Variants in NPIPB2 observed in about 807,000 individuals in gnomAD.
The protein encoded by NPIPB2 is nuclear pore complex-interacting protein family member B2.
Under a neutral mutation model 30.8 loss-of-function variants are expected in NPIPB2, and 27 were observed. The ratio of observed to expected loss-of-function variants is 0.88; its 90% CI spans 0.65 to 1.21. NPIPB2 has a LOEUF of 1.21. Among genes scored for constraint, NPIPB2 ranks in the 50% most tolerant of loss-of-function variants. The probability of loss-of-function intolerance (pLI) is 0.00; values close to 1 mark genes in which losing one functional copy is unlikely to be tolerated. For synonymous variants in NPIPB2, 147 were observed against 162.0 expected (o/e 0.91, Z 0.70); for missense variants, 440 against 446.2 (o/e 0.99, Z 0.13).
At chr16:11,963,205 C>A (rs964778386) in intron 1 of NPIPB2, among the ~76,000 whole-genome samples, 1 of 152,046 alleles carries the variant, frequency 6.6e-6, no homozygotes, top group Admixed American at 6.6e-5. Flanking sequence ...CACGGTGAAA[C>A]CCCGTCTCTA....
At chr16:11,954,296 G>C (rs2055091889) in intron 1 of NPIPB2, among the ~76,000 whole-genome samples, 2 of 151,862 alleles carry the variant, frequency 1.3e-5, no homozygotes, top group South Asian at 4.2e-4. Flanking sequence ...AGACCAGCCT[G>C]GGCAATGTAG....
chr16:11,945,785 T>C (rs1383812011), upstream of NPIPB2, among the ~76,000 whole-genome samples: 3 of 152,054 alleles, frequency 2.0e-5, no homozygotes, highest in Non-Finnish European at 4.4e-5. Context: ...TGCCCTCTCC[T>C]CCTTCTATTC....
At chr16:11,944,875 A>T (rs2150921943), upstream of NPIPB2, among the ~76,000 whole-genome samples, 2 of 151,544 alleles carry the variant, frequency 1.3e-5, no homozygotes, top group African/African-American at 4.8e-5. Context: ...AACCTTGGAG[A>T]TGTGTTAAAG....
intron 1 of NPIPB2, among the ~76,000 whole-genome samples, chr16:11,938,841 C>G (rs1304722797): frequency 3.3e-5 from 5 of 151,944 alleles, no homozygotes; most frequent in African/African-American, 1.2e-4. Context: ...CTCCGCCTCC[C>G]GGGTTCAAGC....
intron 2 of NPIPB2, among the ~76,000 whole-genome samples, chr16:11,934,551 C>T (rs1216634591): frequency 1.4e-5 from 1 of 73,686 alleles, no homozygotes; most frequent in Non-Finnish European, 2.7e-5. Context: ...GAAACTCTGT[C>T]TCAAAAAAAA....
chr16:11,950,970 C>T (rs1164331525), intron 1 of NPIPB2, among the ~76,000 whole-genome samples: 1 of 149,738 alleles, frequency 6.7e-6, no homozygotes, highest in East Asian at 1.9e-4. Context: ...AACATATATA[C>T]ATGATTTTTT....
In NPIPB2 at chr16:11,976,451, C is replaced by G. The variant is rs200533565; in HGVS notation, c.-584+117G>C. On this transcript the variant is annotated intron_variant, in intron 1 of 5. Transcript: ENST00000538896. ...TCCTCTATTTTTATTTCCTTTCCCG[C>G]TCGCATCCCTCTCTGGGACGAAGTC... 4.6e-5 allele frequency: 13 copies of G among 283,104 alleles called. No individual in the cohort carries two copies. The East Asian group carries it at 7.8e-4, about 17-fold the overall frequency. The allele number at this position is 283,104 out of a possible 1,614,324, so 17.5% of individuals were successfully genotyped here.
At chr16:11,960,001 C>G (rs903024975) in intron 1 of NPIPB2, among the ~76,000 whole-genome samples, 1 of 152,232 alleles carries the variant, frequency 6.6e-6, no homozygotes. Flanking sequence ...TCTCGAACTA[C>G]TGGGCTCAAG....
At chr16:11,975,662 C>T (rs896480427) in intron 1 of NPIPB2, among the ~76,000 whole-genome samples, 5 of 151,800 alleles carry the variant, frequency 3.3e-5, no homozygotes, top group African/African-American at 1.2e-4. Flanking sequence ...GGGATCTCGG[C>T]TCACTGAAAC....
intron 1 of NPIPB2, chr16:11,968,870 C>CT (rs35891367): frequency 0.067 from 9,677 of 143,480 alleles, 576 homozygotes; most frequent in African/African-American, 0.16. Context: ...TTTTTCTTTT[C>CT]TTTTTTTTTT....
At chr16:11,964,675 A>G (rs1295029740) in intron 1 of NPIPB2, among the ~76,000 whole-genome samples, 1 of 152,152 alleles carries the variant, frequency 6.6e-6, no homozygotes, top group Non-Finnish European at 1.5e-5. Context: ...TCGGCCTCCC[A>G]AAGTGCTGGG....
chr16:11,966,436 T>A, intron 1 of NPIPB2: 1 of 1,276,446 alleles, frequency 7.8e-7, no homozygotes, highest in Non-Finnish European at 1.1e-6. Context: ...CTATTTCACT[T>A]CGTTACAGCC....
chr16:11,975,615 GAGTC>G (rs1181263937), intron 1 of NPIPB2, among the ~76,000 whole-genome samples: 4 of 151,550 alleles, frequency 2.6e-5, no homozygotes, highest in Non-Finnish European at 4.4e-5. Flanking sequence ...TGTTGAGAGG[GAGTC>G]TCACTCTGTC....
intron 2 of NPIPB2, among the ~76,000 whole-genome samples, chr16:11,934,932 A>ATTATCATC (rs1267153190): frequency 6.8e-6 from 1 of 147,152 alleles, no homozygotes; most frequent in Non-Finnish European, 1.5e-5. Context: ...TTAGATGGTA[A>ATTATCATC]TTATCATCTT....
At chr16:11,976,271 C>A (rs2055294736) in intron 1 of NPIPB2, among the ~76,000 whole-genome samples, 1 of 152,186 alleles carries the variant, frequency 6.6e-6, no homozygotes, top group Non-Finnish European at 1.5e-5. Flanking sequence ...CCCCTCCAGG[C>A]AGGGGCCTTG....
At chr16:11,964,104 A>T (rs1471675841) in intron 1 of NPIPB2, 1 of 151,986 alleles carries the variant, frequency 6.6e-6, no homozygotes, top group Non-Finnish European at 1.5e-5. Context: ...AAATGTATCT[A>T]TCTAGAATTC....
At chr16:11,946,687 C>T (rs568286790), upstream of NPIPB2, among the ~76,000 whole-genome samples, 10 of 151,784 alleles carry the variant, frequency 6.6e-5, no homozygotes, top group African/African-American at 1.2e-4. Context: ...CCCACATTGC[C>T]GGTAGGAAAG....
chr16:11,967,639 C>G (rs561432842), intron 1 of NPIPB2: 3 of 1,614,096 alleles, frequency 1.9e-6, no homozygotes, highest in East Asian at 4.5e-5. Context: ...ATTATTCTTC[C>G]GAGAGGCCTC....
At chr16:11,957,786 G>T (rs539510525) in intron 1 of NPIPB2, among the ~76,000 whole-genome samples, 1 of 152,188 alleles carries the variant, frequency 6.6e-6, no homozygotes, top group Non-Finnish European at 1.5e-5. Flanking sequence ...TTCAAACTCA[G>T]TACTGCAACA....
Sources: allele counts gnomAD v4.1 joint callset (sites outside exome capture counted in the v4.1 genomes callset), GRCh38; gene constraint gnomAD v4.1.1; transcripts MANE v1.5; gene names NCBI Gene and HGNC (gene_info 2026-07-23, HGNC 2026-07-21).